RASSF3: variants seen among roughly 807,000 people sequenced by gnomAD.
RASSF3 encodes the protein ras association domain-containing protein 3.
Under a neutral mutation model 19.9 loss-of-function variants are expected in RASSF3, and 19 were observed. The observed-to-expected ratio is 0.96, with a 90% CI of 0.67 to 1.40. RASSF3 has a LOEUF of 1.40. Among genes scored for constraint, RASSF3 ranks in the 40% most tolerant of loss-of-function variants. RASSF3 has a pLI of 0.00. For synonymous variants in RASSF3, 110 were observed against 104.2 expected (o/e 1.06, Z -0.34); for missense variants, 306 against 289.8 (o/e 1.06, Z -0.41).
chr12:64,535,697 T>TG (rs1414309714), intron 1 of RASSF3, among the ~76,000 whole-genome samples: 7 of 151,470 alleles, frequency 4.6e-5, no homozygotes, highest in Non-Finnish European at 8.8e-5. Flanking sequence ...CACTTTTTTT[T>TG]TTTTTTTTAG....
At chr12:64,673,480 C>G (rs1469914667) in intron 1 of RASSF3, among the ~76,000 whole-genome samples, 1 of 152,290 alleles carries the variant, frequency 6.6e-6, no homozygotes, top group African/African-American at 2.4e-5. Flanking sequence ...CCAGTGGCCT[C>G]TTTTAATAAT....
rs563102173 is a variant in RASSF3, at chr12:64,695,955, T to C, written c.*1043T>C. On this transcript the variant is annotated 3_prime_UTR_variant, in exon 5 of 5. Coordinates refer to ENST00000542104, the MANE Select transcript of RASSF3 (RefSeq NM_178169.4). The stretch of plus-strand genomic sequence containing the variant: ...GTAGGGGCAGCTGTTTTTCCCTTGA[T>C]TGTTAGCTAGGATATTTGTCAAGTA... 4 of 152,370 alleles carry C rather than the reference T, an allele frequency of 2.6e-5. No individual in the cohort carries two copies. In the South Asian group the frequency reaches 8.3e-4, roughly 32 times the overall value. 9.4% of individuals were successfully genotyped at this position (152,370 alleles called of 1,614,324 possible).
chr12:64,585,163 C>A (rs1869773754), intron 2 of RASSF3, among the ~76,000 whole-genome samples: 1 of 152,166 alleles, frequency 6.6e-6, no homozygotes, highest in Non-Finnish European at 1.5e-5. Flanking sequence ...GGATTACAGG[C>A]ATGAGCCACC....
intron 2 of RASSF3, among the ~76,000 whole-genome samples, chr12:64,602,740 A>G (rs1351428817): frequency 1.3e-5 from 2 of 152,106 alleles, no homozygotes; most frequent in East Asian, 3.9e-4. Context: ...AAAAAGAAAG[A>G]AAGAAAGAGA....
At chr12:64,530,994 C>G (rs1029180921), upstream of RASSF3, among the ~76,000 whole-genome samples, 5 of 152,150 alleles carry the variant, frequency 3.3e-5, no homozygotes, top group African/African-American at 1.2e-4. Context: ...CTTTCAGTCT[C>G]TCGTCTTTTC....
intron 1 of RASSF3, among the ~76,000 whole-genome samples, chr12:64,626,707 G>A (rs781033524): frequency 4.6e-5 from 7 of 152,000 alleles, no homozygotes; most frequent in Non-Finnish European, 1.0e-4. Flanking sequence ...GACTAGAGGT[G>A]CATTCTACCA....
Position 64,646,049 on chromosome 12 carries a change from C to T in RASSF3, c.111+35306C>T, listed in dbSNP as rs533051551. Among the ~76,000 whole-genome samples the T allele has an allele frequency of 6.6e-5, 10 of 152,300 alleles. 1 individual carries two copies. In the South Asian group the frequency reaches 1.7e-3, roughly 25 times the overall value. ...TCAGTGCCACACATTGAGATTCATC[C>T]ATGTTATTGCATATATCAGTAATTC... On this transcript the variant is annotated intron_variant, in intron 1 of 4. Transcript: ENST00000542104.
intron 2 of RASSF3, among the ~76,000 whole-genome samples, chr12:64,686,550 G>GC (rs1199684220): frequency 1.3e-5 from 2 of 152,192 alleles, no homozygotes; most frequent in African/African-American, 4.8e-5. Context: ...GGCAGAGCTT[G>GC]CAGTGAGGCA....
At chr12:64,606,018 G>A (rs539927852), upstream of RASSF3, among the ~76,000 whole-genome samples, 5 of 152,126 alleles carry the variant, frequency 3.3e-5, no homozygotes, top group African/African-American at 4.8e-5. Context: ...CTTTGCCATG[G>A]TGTCTATTTT....
intron 1 of RASSF3, among the ~76,000 whole-genome samples, chr12:64,637,102 A>G (rs1871352114): frequency 6.6e-6 from 1 of 152,162 alleles, no homozygotes; most frequent in African/African-American, 2.4e-5. Flanking sequence ...AGTATAAAGC[A>G]ATCCAGAGGA....
intron 2 of RASSF3, among the ~76,000 whole-genome samples, chr12:64,571,500 G>A (rs995149249): frequency 6.6e-6 from 1 of 152,146 alleles, no homozygotes; most frequent in Non-Finnish European, 1.5e-5. Context: ...ACATCTGTCT[G>A]GAGATGTGCT....
chr12:64,659,512 G>T (rs545378698), intron 1 of RASSF3, among the ~76,000 whole-genome samples: 1 of 152,064 alleles, frequency 6.6e-6, no homozygotes, highest in Non-Finnish European at 1.5e-5. Context: ...CTTTATTTTG[G>T]TTCAAGGGTT....
At chr12:64,623,123 C>T (rs565852069) in intron 1 of RASSF3, among the ~76,000 whole-genome samples, 4 of 152,080 alleles carry the variant, frequency 2.6e-5, no homozygotes, top group South Asian at 2.1e-4. Context: ...GCCCGGCCAC[C>T]GTGAAAATTT....
chr12:64,612,878 A>G (rs2136154807), intron 1 of RASSF3, among the ~76,000 whole-genome samples: 1 of 152,342 alleles, frequency 6.6e-6, no homozygotes, highest in Middle Eastern at 3.4e-3. Context: ...TCTAACATTA[A>G]TATGTATTTT....
intron 1 of RASSF3, among the ~76,000 whole-genome samples, chr12:64,619,631 T>A (rs1270979676): frequency 1.2e-4 from 19 of 152,128 alleles, no homozygotes; most frequent in Non-Finnish European, 2.8e-4. Flanking sequence ...AAGGATGGAT[T>A]TAGAAGATCT....
At chr12:64,582,500 G>A (rs1465830078) in intron 2 of RASSF3, among the ~76,000 whole-genome samples, 1 of 152,130 alleles carries the variant, frequency 6.6e-6, no homozygotes, top group Non-Finnish European at 1.5e-5. Flanking sequence ...GGACACTTTA[G>A]GTAACTGAAT....
chr12:64,548,994 A>T (rs1436779589), intron 2 of RASSF3, among the ~76,000 whole-genome samples: 1 of 152,066 alleles, frequency 6.6e-6, no homozygotes, highest in East Asian at 1.9e-4. Context: ...CTGAGAGTGG[A>T]TCCTTTCCCA....
intron 1 of RASSF3, among the ~76,000 whole-genome samples, chr12:64,514,806 C>G (rs7298380): frequency 0.2 from 30,370 of 151,992 alleles, 4,880 homozygotes; most frequent in African/African-American, 0.44. Flanking sequence ...TATAGCTGCC[C>G]TGTGTCCCTG....
intron 2 of RASSF3, among the ~76,000 whole-genome samples, chr12:64,565,816 G>A (rs1004939230): frequency 6.6e-6 from 1 of 151,612 alleles, no homozygotes; most frequent in Non-Finnish European, 1.5e-5. Flanking sequence ...CCTGGAGGCG[G>A]AGGTTGCACT....
Sources: allele counts gnomAD v4.1 joint callset (sites outside exome capture counted in the v4.1 genomes callset), GRCh38; gene constraint gnomAD v4.1.1; transcripts MANE v1.5; gene names NCBI Gene and HGNC (gene_info 2026-07-23, HGNC 2026-07-21).